Variants in SGCZ observed in about 807,000 individuals in gnomAD.
SGCZ encodes the protein zeta-sarcoglycan.
Under a neutral mutation model 41.3 loss-of-function variants are expected in SGCZ, and 40 were observed. The ratio of observed to expected loss-of-function variants is 0.97; its 90% CI spans 0.75 to 1.26. The LOEUF is 1.26. Ranked by LOEUF, SGCZ falls within the 50% of genes most tolerant of loss-of-function variation. The pLI, the probability that SGCZ is intolerant of heterozygous loss-of-function variation, is 0.00. For missense variants in SGCZ, 552 were observed against 369.8 expected, an observed-to-expected ratio of 1.49 and a Z score of -4.04; for synonymous variants, 206 against 137.5, an observed-to-expected ratio of 1.50 and a Z score of -3.49.
chr8:14,827,443 G>C (rs1585297026), intron 1 of SGCZ, among the ~76,000 whole-genome samples: 2 of 151,830 alleles, frequency 1.3e-5, no homozygotes, highest in South Asian at 4.2e-4. Flanking sequence ...CTTCATGTTG[G>C]CCAGGCTGTT....
At chr8:15,106,110 AC>A (rs1430596671) in intron 1 of SGCZ, among the ~76,000 whole-genome samples, 1 of 152,028 alleles carries the variant, frequency 6.6e-6, no homozygotes, top group Non-Finnish European at 1.5e-5. Context: ...TCCTTTTATT[AC>A]CCTTCTTTTA....
chr8:14,818,194 C>G (rs1363952622), intron 1 of SGCZ, among the ~76,000 whole-genome samples: 1 of 152,116 alleles, frequency 6.6e-6, no homozygotes, highest in Non-Finnish European at 1.5e-5. Context: ...GCTTAACAGC[C>G]AGCCTGTCAA....
intron 1 of SGCZ, among the ~76,000 whole-genome samples, chr8:14,854,187 T>C (rs953137554): frequency 1.3e-5 from 2 of 151,482 alleles, no homozygotes; most frequent in East Asian, 1.9e-4. Flanking sequence ...TCATCTTCAC[T>C]ATTTAGTAAT....
chr8:14,509,230 A>T (rs372136827), intron 2 of SGCZ, among the ~76,000 whole-genome samples: 2 of 152,168 alleles, frequency 1.3e-5, no homozygotes, highest in Non-Finnish European at 2.9e-5. Flanking sequence ...ATTATTTCCA[A>T]TGCTTAAGAT....
chr8:14,402,501 A>G (rs1288036895), intron 2 of SGCZ, among the ~76,000 whole-genome samples: 1 of 150,372 alleles, frequency 6.7e-6, no homozygotes, highest in East Asian at 1.9e-4. Context: ...TCAGCTTTCT[A>G]CCTATGGCTA....
intron 1 of SGCZ, among the ~76,000 whole-genome samples, chr8:14,908,725 G>A (rs1030511901): frequency 1.1e-4 from 15 of 136,440 alleles, no homozygotes; most frequent in African/African-American, 4.3e-4. Context: ...ACTCCAGCCT[G>A]GTGATCTGTC....
chr8:15,164,334 C>G (rs1799592902), intron 1 of SGCZ, among the ~76,000 whole-genome samples: 1 of 151,954 alleles, frequency 6.6e-6, no homozygotes, highest in Non-Finnish European at 1.5e-5. Flanking sequence ...TTTACAGGAC[C>G]CACCGGTGAG....
At chr8:14,376,298 G>T (rs535879123) in intron 2 of SGCZ, among the ~76,000 whole-genome samples, 1 of 151,628 alleles carries the variant, frequency 6.6e-6, no homozygotes, top group Admixed American at 6.6e-5. Flanking sequence ...GCAACAGAGC[G>T]GGACTCAATC....
intron 5 of SGCZ, among the ~76,000 whole-genome samples, chr8:14,115,796 G>T (rs1563135547): frequency 6.6e-6 from 1 of 151,698 alleles, no homozygotes; most frequent in Non-Finnish European, 1.5e-5. Flanking sequence ...AGGTTTCTTT[G>T]GGGGGTGGGG....
intron 2 of SGCZ, among the ~76,000 whole-genome samples, chr8:14,443,242 A>G (rs1205699438): frequency 2.0e-5 from 3 of 152,170 alleles, no homozygotes; most frequent in African/African-American, 4.8e-5. Flanking sequence ...TGCCCAAGGT[A>G]ATTTATAGAT....
At chr8:14,830,697 T>C (rs1314222311) in intron 1 of SGCZ, among the ~76,000 whole-genome samples, 1 of 152,206 alleles carries the variant, frequency 6.6e-6, no homozygotes, top group Admixed American at 6.5e-5. Context: ...GGAATGCTGC[T>C]GATTTATATG....
chr8:14,296,063 T>C (rs1056075506), intron 3 of SGCZ, among the ~76,000 whole-genome samples: 2 of 152,104 alleles, frequency 1.3e-5, no homozygotes, highest in African/African-American at 4.8e-5. Flanking sequence ...ACCCAGAGTT[T>C]AGAATTGAGA....
chr8:14,457,108 C>G (rs1800767990), intron 2 of SGCZ, among the ~76,000 whole-genome samples: 1 of 152,172 alleles, frequency 6.6e-6, no homozygotes, highest in South Asian at 2.1e-4. Context: ...CCAGATATAC[C>G]TCTCAGATAT....
At chr8:15,014,782 G>A (rs1307976210) in intron 1 of SGCZ, among the ~76,000 whole-genome samples, 1 of 152,188 alleles carries the variant, frequency 6.6e-6, no homozygotes, top group African/African-American at 2.4e-5. Flanking sequence ...ATAGGTGTGA[G>A]CATTGTGACA....
chr8:14,570,298 T>C (rs1272486255), intron 1 of SGCZ, among the ~76,000 whole-genome samples: 1 of 152,158 alleles, frequency 6.6e-6, no homozygotes, highest in Non-Finnish European at 1.5e-5. Flanking sequence ...TTGAATAAAA[T>C]TTGTCATTTC....
chr8:14,305,547 AACAAATGT>A (rs1239825823), intron 3 of SGCZ, among the ~76,000 whole-genome samples: 22 of 152,308 alleles, frequency 1.4e-4, no homozygotes, highest in Non-Finnish European at 1.5e-5. Context: ...AAATTTAACT[AACAAATGT>A]TCACTCCTTT....
intron 1 of SGCZ, among the ~76,000 whole-genome samples, chr8:14,844,084 C>T (rs1263718422): frequency 6.6e-6 from 1 of 151,574 alleles, no homozygotes; most frequent in African/African-American, 2.4e-5. Flanking sequence ...ACAGTTGACC[C>T]TTGGTATTCA....
intron 2 of SGCZ, among the ~76,000 whole-genome samples, chr8:14,339,110 CAG>C (rs1802609157): frequency 6.6e-6 from 1 of 151,768 alleles, no homozygotes; most frequent in Middle Eastern, 3.4e-3. Flanking sequence ...TTTTTTTCTC[CAG>C]AGTGTTCTAT....
intron 1 of SGCZ, among the ~76,000 whole-genome samples, chr8:14,930,149 C>A (rs1273925344): frequency 1.3e-5 from 2 of 151,750 alleles, no homozygotes; most frequent in African/African-American, 4.9e-5. Flanking sequence ...AAGAAAAAAA[C>A]AAACAACCCC....
Sources: allele counts gnomAD v4.1 joint callset (sites outside exome capture counted in the v4.1 genomes callset), GRCh38; gene constraint gnomAD v4.1.1; transcripts MANE v1.5; gene names NCBI Gene and HGNC (gene_info 2026-07-23, HGNC 2026-07-21).